BMPR1B: variants seen among roughly 807,000 people sequenced by gnomAD.
BMPR1B encodes the protein bone morphogenetic protein receptor type-1B.
BMPR1B carries 12 observed loss-of-function variants against 59.1 expected under a neutral mutation model. That is an observed-to-expected ratio of 0.20 (90% confidence interval 0.13 to 0.33). BMPR1B has a LOEUF of 0.33. BMPR1B is among the 10% of genes least tolerant of loss of function. The pLI is 1.00. For missense variants in BMPR1B, 550 were observed against 610.9 expected, an observed-to-expected ratio of 0.90 and a Z score of 1.05; for synonymous variants, 237 against 207.3, an observed-to-expected ratio of 1.14 and a Z score of -1.23.
chr4:94,862,148 GT>G (rs11372980), intron 1 of BMPR1B, among the ~76,000 whole-genome samples: 8 of 149,514 alleles, frequency 5.4e-5, no homozygotes, highest in Admixed American at 1.3e-4. Flanking sequence ...AATTATTACT[GT>G]TTTTTTTTGT....
At chr4:94,962,343 G>T (rs1206900860) in intron 2 of BMPR1B, among the ~76,000 whole-genome samples, 1 of 152,030 alleles carries the variant, frequency 6.6e-6, no homozygotes, top group African/African-American at 2.4e-5. Context: ...TTGCCATGTT[G>T]GCCAGGCTGG....
chr4:94,939,383 A>G (rs530667126), intron 2 of BMPR1B, among the ~76,000 whole-genome samples: 9 of 152,214 alleles, frequency 5.9e-5, no homozygotes, highest in African/African-American at 2.2e-4. Flanking sequence ...TTAATATAAA[A>G]TTTAATAGTT....
intron 3 of BMPR1B, among the ~76,000 whole-genome samples, chr4:95,062,283 T>C (rs907549059): frequency 6.6e-6 from 1 of 152,216 alleles, no homozygotes; most frequent in Non-Finnish European, 1.5e-5. Context: ...TCAGAACTGA[T>C]AACTTCTGCT....
chr4:95,004,446 G>A (rs1722679755), intron 3 of BMPR1B, among the ~76,000 whole-genome samples: 1 of 151,990 alleles, frequency 6.6e-6, no homozygotes, highest in African/African-American at 2.4e-5. Flanking sequence ...GTAATATTAT[G>A]CATCAGTATT....
Position 95,104,579 on chromosome 4 carries a change from A to G in BMPR1B, c.143+12A>G. 2 of 1,613,184 alleles carry G rather than the reference A, an allele frequency of 1.2e-6. No individual in the cohort carries two copies. The highest frequency in any genetic ancestry group is 1.7e-6 in the Non-Finnish European group (2 of 1,179,360). ...AACAATATTTGCAGGTTGGTGATATAAATGATTTAAAGCTAGCTTTAACAA... is the reference window on the plus strand; with the variant it reads ...AACAATATTTGCAGGTTGGTGATATGAATGATTTAAAGCTAGCTTTAACAA... On this transcript the variant is annotated intron_variant, in intron 4 of 12. Coordinates refer to ENST00000515059, the MANE Select transcript of BMPR1B (RefSeq NM_001203.3).
At chr4:94,849,288 A>G (rs1725474473) in intron 1 of BMPR1B, among the ~76,000 whole-genome samples, 1 of 152,172 alleles carries the variant, frequency 6.6e-6, no homozygotes, top group Non-Finnish European at 1.5e-5. Flanking sequence ...AGGAATTGAT[A>G]ACCTCAGTTA....
intron 1 of BMPR1B, among the ~76,000 whole-genome samples, chr4:94,783,165 G>A (rs371759010): frequency 6.6e-6 from 1 of 152,120 alleles, no homozygotes; most frequent in African/African-American, 2.4e-5. Context: ...TAGGATCCAC[G>A]AATTGCTGGC....
intron 2 of BMPR1B, among the ~76,000 whole-genome samples, chr4:94,993,392 T>C (rs769838799): frequency 6.6e-6 from 1 of 152,218 alleles, no homozygotes; most frequent in Middle Eastern, 3.2e-3. Context: ...CCAAATGTTA[T>C]TATGGTGCAT....
At chr4:95,086,379 T>C (rs1038289164) in intron 3 of BMPR1B, among the ~76,000 whole-genome samples, 20 of 152,324 alleles carry the variant, frequency 1.3e-4, no homozygotes, top group Admixed American at 1.2e-3. Flanking sequence ...AGTCAAAATA[T>C]GTAATGTTTT....
At chr4:94,819,802 A>G (rs1442886330) in intron 1 of BMPR1B, among the ~76,000 whole-genome samples, 1 of 152,238 alleles carries the variant, frequency 6.6e-6, no homozygotes, top group South Asian at 2.1e-4. Flanking sequence ...GAGCTCACCC[A>G]GTAGTGTACA....
chr4:95,125,174 T>G, intron 8 of BMPR1B, 53 bp downstream of exon 8: 1 of 1,603,764 alleles, frequency 6.2e-7, no homozygotes. Flanking sequence ...GAAAGAACTG[T>G]CAATGAATAT....
intron 2 of BMPR1B, among the ~76,000 whole-genome samples, chr4:94,965,777 A>AGAGAGTGTGTGTGTGT (rs149275419): frequency 0.063 from 9,652 of 152,160 alleles, 837 homozygotes; most frequent in African/African-American, 0.2. Flanking sequence ...TGTGTGTGAG[A>AGAGAGTGTGTGTGTGT]GTGTATGTGT....
Position 95,046,695 on chromosome 4 carries a change from T to G in BMPR1B, c.-18+50561T>G, listed in dbSNP as rs546020970. Among the ~76,000 whole-genome samples, 4 of 152,330 alleles carry G rather than the reference T, an allele frequency of 2.6e-5. No individual in the cohort carries two copies. In the South Asian group the frequency reaches 8.3e-4, roughly 32 times the overall value. On this transcript the variant is annotated intron_variant, in intron 3 of 12. Coordinates refer to ENST00000515059, the MANE Select transcript of BMPR1B (RefSeq NM_001203.3). ...ACTCTCCATAGTGCTCCTTTTTCCT[T>G]CCTCTGCCCTTCTGTCAGGTGTACA...
intron 1 of BMPR1B, among the ~76,000 whole-genome samples, chr4:94,779,699 G>A (rs969320546): frequency 6.6e-6 from 1 of 152,048 alleles, no homozygotes. Context: ...CGGTGTGGTG[G>A]CACGTGCCTG....
At chr4:94,997,461 T>C (rs907132862) in intron 3 of BMPR1B, among the ~76,000 whole-genome samples, 1 of 152,214 alleles carries the variant, frequency 6.6e-6, no homozygotes, top group South Asian at 2.1e-4. Context: ...GACCAATAGC[T>C]GTGCAGTATC....
chr4:95,052,040 A>G lies in BMPR1B; in HGVS notation c.-17-52368A>G, dbSNP rs552377512. Among the ~76,000 whole-genome samples, 12 of 152,382 alleles carry G rather than the reference A, an allele frequency of 7.9e-5. No individual in the cohort carries two copies. In the East Asian group the frequency reaches 2.3e-3, roughly 29 times the overall value. The stretch of plus-strand genomic sequence containing the variant: ...TAAATACAATTAAACTTGGAACTTT[A>G]GGAAATTCATTCTCAATATACTGTG... On this transcript the variant is annotated intron_variant, in intron 3 of 12. Transcript: ENST00000515059.
At chr4:95,039,258 A>G (rs374759859) in intron 3 of BMPR1B, among the ~76,000 whole-genome samples, 1 of 152,136 alleles carries the variant, frequency 6.6e-6, no homozygotes, top group African/African-American at 2.4e-5. Flanking sequence ...TATTTCGTGC[A>G]CATTAAATAT....
intron 2 of BMPR1B, among the ~76,000 whole-genome samples, chr4:94,938,706 G>A (rs1324165527): frequency 1.3e-5 from 2 of 152,078 alleles, no homozygotes; most frequent in Non-Finnish European, 1.5e-5. Context: ...CCTTTAAAAA[G>A]CACATTATAG....
intron 1 of BMPR1B, among the ~76,000 whole-genome samples, chr4:94,873,695 G>A (rs1419596096): frequency 6.6e-6 from 1 of 152,134 alleles, no homozygotes; most frequent in Non-Finnish European, 1.5e-5. Context: ...GGCGTGAGCT[G>A]CCGTGCCCGG....
Sources: gnomAD v4.1 joint callset for allele counts (sites outside exome capture counted in the v4.1 genomes callset) on GRCh38, gnomAD v4.1.1 for gene constraint, MANE v1.5 for transcripts, NCBI Gene and HGNC (gene_info 2026-07-23, HGNC 2026-07-21) for gene names.